Variants in PKD1L3 observed in about 807,000 individuals in gnomAD.
The protein encoded by PKD1L3 is polycystin-1-like protein 3.
In PKD1L3, 239 loss-of-function variants were observed where a neutral mutation model predicts 184.1. That is an observed-to-expected ratio of 1.30 (90% CI 1.17 to 1.45). The LOEUF (loss-of-function observed/expected upper bound fraction) is 1.45. PKD1L3 is among the 40% of genes most tolerant of loss of function. PKD1L3 has a pLI of 0.00. For missense variants in PKD1L3, 2,660 were observed against 2,067.2 expected (o/e 1.29, Z -5.56); for synonymous variants, 996 against 778.8 (o/e 1.28, Z -4.64).
intron 13 of PKD1L3, 80 bp from the exon 14 acceptor site, chr16:71,968,087 G>A (rs1224916986): frequency 4.3e-6 from 5 of 1,164,206 alleles, no homozygotes; most frequent in African/African-American, 1.6e-5. Context: ...AGGAGCAGGA[G>A]GATGAACTCC....
In PKD1L3 at chr16:71,930,415, A is replaced by C. The variant is rs949823901; in HGVS notation, c.4927-232T>G. The C allele has an allele frequency of 5.1e-5, 18 of 356,034 alleles. No homozygotes were observed. In the East Asian group the frequency reaches 7.4e-4, roughly 15 times the overall value. 22.1% of individuals were successfully genotyped at this position (356,034 alleles called of 1,614,324 possible). On this transcript the variant is annotated intron_variant, in intron 28 of 29. Transcript: ENST00000620267. ...TTGTGACTGCAGGGCTTTCACAAGAAAACAGGTGAGTTGCAGTGGAATTGG... is the reference window on the plus strand; with the variant it reads ...TTGTGACTGCAGGGCTTTCACAAGACAACAGGTGAGTTGCAGTGGAATTGG...
At chr16:71,972,837 C>T (rs535582219) in intron 12 of PKD1L3, among the ~76,000 whole-genome samples, 1 of 152,258 alleles carries the variant, frequency 6.6e-6, no homozygotes, top group South Asian at 2.1e-4. Flanking sequence ...CACAGAATCA[C>T]GAGTGTGCAA....
chr16:71,997,099 G>A (rs1052219800), intron 2 of PKD1L3, among the ~76,000 whole-genome samples: 3 of 152,052 alleles, frequency 2.0e-5, no homozygotes, highest in African/African-American at 4.8e-5. Flanking sequence ...GAAACAGTAT[G>A]ACTGCTATGG....
chr16:71,947,458 A>C (rs922224407), intron 22 of PKD1L3, 34 bp downstream of exon 22: 3 of 1,442,964 alleles, frequency 2.1e-6, no homozygotes, highest in Non-Finnish European at 2.9e-6. Flanking sequence ...TGCTTTTTGC[A>C]AAATTAGGTA....
intron 6 of PKD1L3, among the ~76,000 whole-genome samples, chr16:71,982,677 G>A (rs771594691): frequency 4.1e-4 from 63 of 151,952 alleles, no homozygotes; most frequent in Admixed American, 2.5e-3. Flanking sequence ...CCTCACTGCA[G>A]CCTCGAACTT....
At chr16:71,973,251 G>T in intron 12 of PKD1L3, 73 bp downstream of exon 12, 1 of 1,456,146 alleles carries the variant, frequency 6.9e-7, no homozygotes. Flanking sequence ...TGCCCCAAAT[G>T]AGATAACGGA....
At chr16:71,998,491 C>G in intron 1 of PKD1L3, 97 bp from the exon 2 acceptor site, 1 of 1,443,066 alleles carries the variant, frequency 6.9e-7, no homozygotes, top group Non-Finnish European at 9.1e-7. Context: ...CACTCAGTCA[C>G]CCAAGCTGGA....
intron 7 of PKD1L3, among the ~76,000 whole-genome samples, chr16:71,980,821 C>A (rs967598573): frequency 6.6e-6 from 1 of 152,084 alleles, no homozygotes; most frequent in Non-Finnish European, 1.5e-5. Context: ...GGCAACAGAG[C>A]GAGACTCTGT....
chr16:71,973,560 A>G lies in PKD1L3; in HGVS notation c.1760-43T>C, dbSNP rs2039803950. The stretch of plus-strand genomic sequence containing the variant: ...TGCTTACTTGTATATCAAATGGAAC[A>G]AAAACACCAATGAACCTCTCTTCTA... On this transcript the variant is annotated intron_variant, in intron 11 of 29. Transcript: ENST00000620267. 13 of 1,483,382 alleles carry G rather than the reference A, an allele frequency of 8.8e-6. No individual in the cohort carries two copies. The East Asian group carries it at 1.7e-4, about 20-fold the overall frequency. 91.9% of individuals were successfully genotyped at this position (1,483,382 alleles called of 1,614,324 possible). A position where few individuals can be genotyped will look rare whatever the true frequency, so the allele number is the denominator to read the frequency against.
In PKD1L3 at chr16:71,980,068, T is replaced by C. The variant is rs1199969716; in HGVS notation, c.1210A>G (p.Asn404Asp). 2.1e-5 allele frequency: 33 copies of C among 1,551,754 alleles called. No individual in the cohort carries two copies. Among genetic ancestry groups the C allele is most frequent in the Non-Finnish European group, 2.9e-5 (33 of 1,147,042 alleles). The change falls in exon 8 of 30, where the codon AAC becomes GAC. Residue 404 changes from asparagine (N) to aspartate (D), a missense_variant. Asn to Asp is a conservative substitution (Grantham distance 23). Transcript: ENST00000620267. ...GNIGEAFLEQ[N>D]QSPESSVTLT... The stretch of plus-strand genomic sequence containing the variant: ...GTCACTGAAGACTCGGGAGACTGGT[T>C]CTGCTCTAGAAATGCTTCCCCGATA...
At position 71,958,243 on chromosome 16, in the gene PKD1L3, T is replaced by C. The variant is rs968489010; in HGVS notation, c.2613-3942A>G. ...TCTACTAAAAATACAAAAAATTAGC[T>C]GGGCGTAGTGGCGGGCGCCTGTAGT... On this transcript the variant is annotated intron_variant, in intron 16 of 29. Coordinates refer to ENST00000620267, the MANE Select transcript of PKD1L3 (RefSeq NM_181536.2). 5.3e-5 allele frequency among the ~76,000 whole-genome samples: 8 copies of C among 150,810 alleles called. No homozygotes were observed. The South Asian group carries it at 8.4e-4, about 16-fold the overall frequency.
At position 71,973,455 on chromosome 16, in the gene PKD1L3, T is replaced by C. The variant is rs2039797808; in HGVS notation, c.1822A>G (p.Ile608Val). 6.4e-7 allele frequency: 1 copy of C among 1,551,878 alleles called. No homozygotes were observed. Among genetic ancestry groups the C allele is most frequent in the Non-Finnish European group, 8.7e-7 (1 of 1,147,038 alleles). The change falls in exon 12 of 30, where the codon ATA becomes GTA. Residue 608 changes from isoleucine to valine, a missense_variant. By Grantham distance (29) the Ile-to-Val change is conservative. Transcript: ENST00000620267. Reference protein sequence around the residue: ...HLQHGIGTYYITAVLSERQEG... With the variant: ...HLQHGIGTYYVTAVLSERQEG... ...TGCCTCTCACTCAGCACAGCTGTTA[T>C]ATAGTAGGTGCCAATCCCGTGCTGC...
rs1318025677 is a variant in PKD1L3 at position 71,949,958 on chromosome 16, C to G, written c.3443G>C (p.Gly1148Ala). The change falls in exon 21 of 30, where the codon GGC (glycine) becomes GCC (alanine). Residue 1148 changes from glycine to alanine, a missense_variant. Physicochemically the swap from Gly to Ala is moderately conservative, Grantham distance 60 (BLOSUM62 0). Coordinates refer to ENST00000620267, the MANE Select transcript of PKD1L3 (RefSeq NM_181536.2). ...SEEGKKPISN[G>A]LSKWLTSVCW... Reference sequence around the variant, plus strand: ...GACTGAAGTCAACCATTTGGACAGGCCATTTGAGATGGGCTTTTTTCCTTC... The same window carrying G: ...GACTGAAGTCAACCATTTGGACAGGGCATTTGAGATGGGCTTTTTTCCTTC... The G allele has an allele frequency of 6.4e-7, 1 of 1,551,576 alleles. No individual in the cohort carries two copies. Among genetic ancestry groups the G allele is most frequent in the Non-Finnish European group, 8.7e-7 (1 of 1,146,994 alleles).
At chr16:71,946,986 G>A (rs2038641939) in intron 22 of PKD1L3, among the ~76,000 whole-genome samples, 3 of 151,504 alleles carry the variant, frequency 2.0e-5, no homozygotes, top group Admixed American at 2.0e-4. Flanking sequence ...TCCGGGGGCG[G>A]TGGCTCACGC....
Position 71,930,160 on chromosome 16 carries a change from C to G in PKD1L3, c.4950G>C (p.Leu1650=), listed in dbSNP as rs781730555. ...CACTGGTGAGGATCAGAAAGGTGCC[C>G]AGGACTGGGTCTAAAGCGAAAACCT... The part of the protein sequence containing the change: ...QEEVFALDPV[L]GTFLILTSVI... The change falls in exon 29 of 30, where the codon CTG becomes CTC. Residue 1650 remains leucine, a synonymous_variant. Coordinates refer to ENST00000620267, the MANE Select transcript of PKD1L3 (RefSeq NM_181536.2). 29 of 1,550,100 alleles carry G rather than the reference C, an allele frequency of 1.9e-5. No homozygotes were observed. Among genetic ancestry groups the G allele is most frequent in the Non-Finnish European group, 8.7e-7 (1 of 1,146,306 alleles).
intron 3 of PKD1L3, among the ~76,000 whole-genome samples, chr16:71,990,670 G>T (rs917398632): frequency 6.6e-6 from 1 of 152,182 alleles, no homozygotes; most frequent in African/African-American, 2.4e-5. Flanking sequence ...GGAGGCAGAG[G>T]TTGCAGTGAG....
chr16:71,985,365 A>G (rs982365456), intron 5 of PKD1L3, among the ~76,000 whole-genome samples: 2 of 151,924 alleles, frequency 1.3e-5, no homozygotes, highest in East Asian at 1.9e-4. Flanking sequence ...GAGTTTAGGG[A>G]AAAAAAAGCA....
chr16:71,975,408 A>G (rs184138187), intron 11 of PKD1L3, among the ~76,000 whole-genome samples: 7 of 152,188 alleles, frequency 4.6e-5, no homozygotes, highest in Admixed American at 3.3e-4. Flanking sequence ...ACTTTTCTAA[A>G]CTACAATACA....
At chr16:71,934,187 C>G in intron 26 of PKD1L3, 62 bp from the exon 27 acceptor site, 3 of 1,482,210 alleles carry the variant, frequency 2.0e-6, no homozygotes, top group East Asian at 2.5e-5. Context: ...GCAGTTTCCC[C>G]AGCGCCCCTG....
Sources: gnomAD v4.1 joint callset for allele counts (sites outside exome capture counted in the v4.1 genomes callset) on GRCh38, gnomAD v4.1.1 for gene constraint, MANE v1.5 for transcripts, NCBI Gene and HGNC (gene_info 2026-07-23, HGNC 2026-07-21) for gene names.